The following ACOXL variants were observed in gnomAD, a reference collection of about 807,000 sequenced individuals.
ACOXL encodes the protein acyl-coenzyme A oxidase-like protein.
Under a neutral mutation model 71.9 loss-of-function variants are expected in ACOXL, and 70 were observed. The ratio of observed to expected loss-of-function variants is 0.97; its 90% CI spans 0.80 to 1.19. ACOXL has a LOEUF of 1.19. Among genes scored for constraint, ACOXL ranks in the 50% most tolerant of loss-of-function variants. The probability of loss-of-function intolerance (pLI) is 0.00; values close to 1 mark genes in which losing one functional copy is unlikely to be tolerated. For missense variants in ACOXL, 703 were observed against 736.3 expected (o/e 0.95, Z 0.52); for synonymous variants, 253 against 281.6 (o/e 0.90, Z 1.02).
At chr2:111,087,813 A>G (rs1443235156) in intron 16 of ACOXL, among the ~76,000 whole-genome samples, 1 of 152,256 alleles carries the variant, frequency 6.6e-6, no homozygotes, top group East Asian at 1.9e-4. Context: ...TAATTAAACT[A>G]AAGAGCTTCT....
chr2:111,052,139 G>A (rs2066317432), intron 16 of ACOXL, among the ~76,000 whole-genome samples: 2 of 152,198 alleles, frequency 1.3e-5, no homozygotes, highest in Non-Finnish European at 2.9e-5. Flanking sequence ...ACATTCATCT[G>A]ACAACCAGGA....
At chr2:111,080,664 A>G (rs568939692) in intron 16 of ACOXL, among the ~76,000 whole-genome samples, 1 of 152,298 alleles carries the variant, frequency 6.6e-6, no homozygotes, top group Non-Finnish European at 1.5e-5. Context: ...TCCCTAACTC[A>G]TTTTATGAGG....
intron 12 of ACOXL, among the ~76,000 whole-genome samples, chr2:110,945,607 C>T (rs922316857): frequency 3.9e-5 from 6 of 152,134 alleles, no homozygotes; most frequent in Non-Finnish European, 8.8e-5. Flanking sequence ...ACAGTCTTTT[C>T]CTCATTGCTT....
In ACOXL at chr2:110,907,842, C is replaced by T. The variant is rs1274411155; in HGVS notation, c.789-947C>T. 2.6e-5 allele frequency among the ~76,000 whole-genome samples: 4 copies of T among 152,128 alleles called. No homozygotes were observed. The East Asian group carries it at 7.7e-4, about 29-fold the overall frequency. On this transcript the variant is annotated intron_variant, in intron 10 of 17. Coordinates refer to ENST00000439055, the MANE Select transcript of ACOXL (RefSeq NM_001142807.4). ...AGATTATGTTTAAGAAAGTCTTTAT[C>T]AAATATAAGATTTTTAAAACAATTG... is the stretch of plus-strand genomic sequence containing the variant.
chr2:111,089,156 T>TG (rs1458097175), intron 16 of ACOXL, among the ~76,000 whole-genome samples: 7 of 151,976 alleles, frequency 4.6e-5, no homozygotes, highest in Non-Finnish European at 8.8e-5. Context: ...AAAACTTAGC[T>TG]GGGCATGGTG....
chr2:111,104,681 ATTG>A (rs2069411929), intron 17 of ACOXL, among the ~76,000 whole-genome samples: 2 of 151,800 alleles, frequency 1.3e-5, no homozygotes, highest in South Asian at 2.1e-4. Flanking sequence ...TTCTAATTGG[ATTG>A]TTATTTTTTT....
At chr2:110,744,789 A>C (rs185635742) in intron 1 of ACOXL, among the ~76,000 whole-genome samples, 13 of 152,304 alleles carry the variant, frequency 8.5e-5, no homozygotes, top group Admixed American at 2.6e-4. Flanking sequence ...TTCCTTGCTT[A>C]CTTGCGAGAT....
intron 1 of ACOXL, among the ~76,000 whole-genome samples, chr2:110,757,077 G>A (rs756821012): frequency 8.5e-5 from 13 of 152,192 alleles, no homozygotes; most frequent in Middle Eastern, 3.4e-3. Flanking sequence ...ACAGGCTCCA[G>A]TGCATGTTGT....
chr2:110,756,209 C>A (rs796218556), intron 1 of ACOXL, among the ~76,000 whole-genome samples: 1 of 152,154 alleles, frequency 6.6e-6, no homozygotes, highest in Non-Finnish European at 1.5e-5. Context: ...TCACTGCAAC[C>A]TCCGCCTCCC....
At chr2:111,044,650 G>A (rs2065932900) in intron 15 of ACOXL, among the ~76,000 whole-genome samples, 1 of 152,188 alleles carries the variant, frequency 6.6e-6, no homozygotes, top group Non-Finnish European at 1.5e-5. Flanking sequence ...CAGTACAATG[G>A]TATTGTGGGT....
chr2:110,791,642 A>C (rs1158200644), intron 3 of ACOXL, among the ~76,000 whole-genome samples: 6 of 152,220 alleles, frequency 3.9e-5, no homozygotes, highest in African/African-American at 4.8e-5. Flanking sequence ...ATACTTTATG[A>C]TTCTCCAAAT....
At chr2:111,058,277 G>A (rs1389539801) in intron 16 of ACOXL, among the ~76,000 whole-genome samples, 2 of 152,182 alleles carry the variant, frequency 1.3e-5, no homozygotes, top group Non-Finnish European at 2.9e-5. Flanking sequence ...CATCTCTTTT[G>A]TGACTTGCCA....
chr2:110,836,248 C>T (rs192089190), intron 9 of ACOXL, among the ~76,000 whole-genome samples: 4 of 152,230 alleles, frequency 2.6e-5, no homozygotes, highest in African/African-American at 4.8e-5. Context: ...CATGAGAGAG[C>T]GGTGCTAGAA....
chr2:110,765,423 C>T (rs1680925865), intron 1 of ACOXL, among the ~76,000 whole-genome samples: 1 of 152,034 alleles, frequency 6.6e-6, no homozygotes, highest in South Asian at 2.1e-4. Flanking sequence ...TGCATGTTGG[C>T]TCTGTTATTA....
intron 11 of ACOXL, among the ~76,000 whole-genome samples, chr2:110,910,593 C>A (rs751184169): frequency 6.6e-5 from 10 of 152,122 alleles, no homozygotes; most frequent in Non-Finnish European, 1.2e-4. Context: ...TTCAGTTGTT[C>A]TTCATCCTGA....
At chr2:111,017,175 C>T (rs568556547) in intron 14 of ACOXL, among the ~76,000 whole-genome samples, 8 of 152,200 alleles carry the variant, frequency 5.3e-5, no homozygotes, top group Non-Finnish European at 7.3e-5. Context: ...TGGGGTGAGG[C>T]ATTACTGGAG....
chr2:110,942,726 T>TA (rs373579252), intron 12 of ACOXL, among the ~76,000 whole-genome samples: 38,292 of 139,450 alleles, frequency 0.27, 5,696 homozygotes, highest in Non-Finnish European at 0.35. Flanking sequence ...CCATCTCTAC[T>TA]AAAAAAAAAA....
At chr2:110,793,060 T>C (rs1684839213) in intron 3 of ACOXL, among the ~76,000 whole-genome samples, 1 of 152,160 alleles carries the variant, frequency 6.6e-6, no homozygotes, top group Non-Finnish European at 1.5e-5. Context: ...GCTCAGTAGC[T>C]CAGTAAATGG....
At chr2:111,029,139 T>C (rs1451926473) in intron 14 of ACOXL, among the ~76,000 whole-genome samples, 1 of 152,236 alleles carries the variant, frequency 6.6e-6, no homozygotes, top group Non-Finnish European at 1.5e-5. Context: ...TGTTTTCTGG[T>C]GCATTTTTAA....
Sources: gnomAD v4.1 joint callset for allele counts (sites outside exome capture counted in the v4.1 genomes callset) on GRCh38, gnomAD v4.1.1 for gene constraint, MANE v1.5 for transcripts, NCBI Gene and HGNC (gene_info 2026-07-23, HGNC 2026-07-21) for gene names.